The following PTPRD variants were observed in gnomAD, a reference collection of about 807,000 sequenced individuals.
PTPRD encodes receptor-type tyrosine-protein phosphatase delta.
In PTPRD, 34 loss-of-function variants were observed where a neutral mutation model predicts 214.5. The ratio of observed to expected loss-of-function variants is 0.16; its 90% CI spans 0.12 to 0.21. The LOEUF (loss-of-function observed/expected upper bound fraction) is 0.21. Among genes scored for constraint, PTPRD ranks in the 10% least tolerant of loss-of-function variants. The probability of loss-of-function intolerance (pLI) is 1.00; values close to 1 mark genes in which losing one functional copy is unlikely to be tolerated. For missense variants in PTPRD, 2,545 were observed against 2,398.7 expected, an observed-to-expected ratio of 1.06 and a Z score of -1.27; for synonymous variants, 1,128 against 845.7, an observed-to-expected ratio of 1.33 and a Z score of -5.79.
chr9:8,504,810 T>C (rs2097506003), intron 22 of PTPRD, among the ~76,000 whole-genome samples: 1 of 152,144 alleles, frequency 6.6e-6, no homozygotes, highest in African/African-American at 2.4e-5. Context: ...GCAATTTTAA[T>C]TGAACAGATG....
At chr9:8,581,625 G>A (rs891381949) in intron 14 of PTPRD, among the ~76,000 whole-genome samples, 2 of 152,132 alleles carry the variant, frequency 1.3e-5, no homozygotes, top group African/African-American at 4.8e-5. Flanking sequence ...GCAGATGCCT[G>A]TAGTCCCAGC....
At chr9:8,481,205 A>G (rs910935077) in intron 30 of PTPRD, among the ~76,000 whole-genome samples, 4 of 151,126 alleles carry the variant, frequency 2.6e-5, no homozygotes, top group Admixed American at 2.6e-4. Flanking sequence ...TTTACACTGA[A>G]TTTATTTTGG....
intron 5 of PTPRD, among the ~76,000 whole-genome samples, chr9:9,826,640 T>C (rs1049045411): frequency 1.3e-5 from 2 of 152,022 alleles, no homozygotes; most frequent in African/African-American, 2.4e-5. Flanking sequence ...GTGTCCTTAG[T>C]AGTGATATTC....
At chr9:10,048,191 T>G (rs372600701) in intron 3 of PTPRD, among the ~76,000 whole-genome samples, 18 of 152,294 alleles carry the variant, frequency 1.2e-4, no homozygotes, top group African/African-American at 4.3e-4. Context: ...TCTTCTGCAT[T>G]GCTTTATTGC....
At chr9:8,612,988 GATT>G (rs1448155253) in intron 14 of PTPRD, among the ~76,000 whole-genome samples, 1 of 152,046 alleles carries the variant, frequency 6.6e-6, no homozygotes. Context: ...AAAAGGAAAG[GATT>G]ATTAATAACA....
intron 2 of PTPRD, among the ~76,000 whole-genome samples, chr9:10,583,470 T>C (rs927188063): frequency 6.6e-6 from 1 of 151,576 alleles, no homozygotes; most frequent in Admixed American, 6.6e-5. Context: ...TTTTTTTTTT[T>C]AGACGGAGTC....
rs556357771 is a variant in PTPRD at position 8,518,270 on chromosome 9, G to A, written c.1121C>T (p.Ala374Val). Residue 374 changes from alanine to valine, a missense_variant, in exon 21 of 46, where the codon GCG (alanine) becomes GTG (valine). Transcript: ENST00000381196. Reference protein sequence around the residue: ...EELYKEIDGVATTRYSVAGLS... With the variant: ...EELYKEIDGVVTTRYSVAGLS... ...TCCAGCGACACTGTAGCGTGTGGTCGCCACCCCATCAATTTCTTTGTAAAG... is the reference window on the plus strand; with the variant it reads ...TCCAGCGACACTGTAGCGTGTGGTCACCACCCCATCAATTTCTTTGTAAAG... 11 of 1,614,110 alleles carry A rather than the reference G, an allele frequency of 6.8e-6. No homozygotes were observed. Among genetic ancestry groups the A allele is most frequent in the African/African-American group, 1.3e-5 (1 of 75,042 alleles).
chr9:9,803,553 G>C (rs985580190), intron 5 of PTPRD, among the ~76,000 whole-genome samples: 10 of 151,958 alleles, frequency 6.6e-5, no homozygotes, highest in Admixed American at 2.0e-4. Flanking sequence ...AAACTTCATG[G>C]CCAGCAGAGT....
chr9:8,926,398 T>A (rs1291362054), intron 11 of PTPRD, among the ~76,000 whole-genome samples: 1 of 152,182 alleles, frequency 6.6e-6, no homozygotes, highest in Non-Finnish European at 1.5e-5. Context: ...CACTAGGTCC[T>A]AGGCACTGTG....
intron 4 of PTPRD, among the ~76,000 whole-genome samples, chr9:10,020,072 G>A (rs954536055): frequency 6.6e-6 from 1 of 152,080 alleles, no homozygotes; most frequent in Non-Finnish European, 1.5e-5. Flanking sequence ...AAGAAAGACG[G>A]AAGTTATTAA....
At chr9:10,464,245 T>A (rs74435480) in intron 2 of PTPRD, among the ~76,000 whole-genome samples, 7,427 of 151,702 alleles carry the variant, frequency 0.049, 624 homozygotes, top group African/African-American at 0.17. Flanking sequence ...TAAAAAAAAA[T>A]TTTAAATGCA....
chr9:10,002,331 AATAT>A (rs3051049), intron 4 of PTPRD, among the ~76,000 whole-genome samples: 2 of 144,406 alleles, frequency 1.4e-5, no homozygotes, highest in Admixed American at 7.0e-5. Flanking sequence ...TTTAAATATA[AATAT>A]ATATATATAT....
chr9:8,940,475 T>G (rs1209705115), intron 11 of PTPRD, among the ~76,000 whole-genome samples: 2 of 145,354 alleles, frequency 1.4e-5, no homozygotes, highest in Admixed American at 6.9e-5. Flanking sequence ...GTATTTTTAA[T>G]AGAGACAGGG....
chr9:9,145,513 TA>T (rs2099867135), intron 10 of PTPRD, among the ~76,000 whole-genome samples: 1 of 152,130 alleles, frequency 6.6e-6, no homozygotes, highest in Admixed American at 6.5e-5. Flanking sequence ...ATTTCTAAGT[TA>T]AATATAAGAA....
intron 3 of PTPRD, among the ~76,000 whole-genome samples, chr9:10,080,989 G>A (rs2098227075): frequency 6.6e-6 from 1 of 151,818 alleles, no homozygotes; most frequent in African/African-American, 2.4e-5. Context: ...AGAGACTGTA[G>A]GTACATCATT....
chr9:8,693,335 C>T lies in PTPRD; in HGVS notation c.64+40445G>A, dbSNP rs569585735. 3.3e-5 allele frequency among the ~76,000 whole-genome samples: 5 copies of T among 152,324 alleles called. No individual in the cohort carries two copies. The East Asian group carries it at 9.6e-4, about 29-fold the overall frequency. On this transcript the variant is annotated intron_variant, in intron 12 of 45. Coordinates refer to ENST00000381196, the MANE Select transcript of PTPRD (RefSeq NM_002839.4). ...CTCCCACACGGGATCATTCACTTTC[C>T]TCTCATGACAAACATATCCTTCTTC...
chr9:8,834,201 T>C (rs1170619611), intron 11 of PTPRD, among the ~76,000 whole-genome samples: 3 of 152,112 alleles, frequency 2.0e-5, no homozygotes, highest in African/African-American at 2.4e-5. Context: ...AAAAGCCTGT[T>C]TTTTTCCATG....
At chr9:8,589,646 G>C (rs1446952304) in intron 14 of PTPRD, among the ~76,000 whole-genome samples, 1 of 152,182 alleles carries the variant, frequency 6.6e-6, no homozygotes, top group African/African-American at 2.4e-5. Flanking sequence ...GTAGATGACA[G>C]TGAGTTCCCA....
chr9:8,392,304 T>C (rs1470941301), intron 36 of PTPRD, among the ~76,000 whole-genome samples: 3 of 151,724 alleles, frequency 2.0e-5, no homozygotes, highest in Admixed American at 6.6e-5. Context: ...GGCAGGAAGA[T>C]TTATTGAGAA....
Sources: gnomAD v4.1 joint callset for allele counts (sites outside exome capture counted in the v4.1 genomes callset) on GRCh38, gnomAD v4.1.1 for gene constraint, MANE v1.5 for transcripts, NCBI Gene and HGNC (gene_info 2026-07-23, HGNC 2026-07-21) for gene names.